Variants in PTPRD observed in about 807,000 individuals in gnomAD.
PTPRD encodes the protein receptor-type tyrosine-protein phosphatase delta.
Under a neutral mutation model 214.5 loss-of-function variants are expected in PTPRD, and 34 were observed. The observed-to-expected ratio is 0.16, with a 90% confidence interval of 0.12 to 0.21. The LOEUF (loss-of-function observed/expected upper bound fraction) is 0.21. Among genes scored for constraint, PTPRD ranks in the 10% least tolerant of loss-of-function variants. The pLI is 1.00. For missense variants in PTPRD, 2,545 were observed against 2,398.7 expected (o/e 1.06, Z -1.27); for synonymous variants, 1,128 against 845.7 (o/e 1.33, Z -5.79).
intron 3 of PTPRD, among the ~76,000 whole-genome samples, chr9:10,060,071 C>G (rs562870685): frequency 6.6e-6 from 1 of 151,950 alleles, no homozygotes; most frequent in Admixed American, 6.6e-5. Flanking sequence ...TCCCTGACAA[C>G]CAATATTCAA....
At chr9:8,452,794 G>C (rs939713590) in intron 33 of PTPRD, among the ~76,000 whole-genome samples, 1 of 152,114 alleles carries the variant, frequency 6.6e-6, no homozygotes, top group Non-Finnish European at 1.5e-5. Flanking sequence ...TGCTACTCTG[G>C]TCTACGGGGT....
intron 34 of PTPRD, 49 bp from the exon 35 acceptor site, chr9:8,436,738 A>T: frequency 1.4e-6 from 2 of 1,409,378 alleles, no homozygotes; most frequent in Non-Finnish European, 2.0e-6. Context: ...AATGAAAATG[A>T]TGCTAACTAT....
At chr9:8,545,632 A>T (rs1209950015) in intron 14 of PTPRD, among the ~76,000 whole-genome samples, 1 of 152,166 alleles carries the variant, frequency 6.6e-6, no homozygotes, top group Admixed American at 6.5e-5. Context: ...AAATATTCTG[A>T]AGTGTTTGAC....
chr9:9,964,909 G>A (rs1392960246), intron 4 of PTPRD, among the ~76,000 whole-genome samples: 3 of 152,034 alleles, frequency 2.0e-5, no homozygotes, highest in African/African-American at 7.2e-5. Context: ...TGAAATATAG[G>A]GAAATAAACT....
At chr9:10,119,532 C>G (rs1469452886) in intron 3 of PTPRD, among the ~76,000 whole-genome samples, 1 of 151,852 alleles carries the variant, frequency 6.6e-6, no homozygotes, top group African/African-American at 2.4e-5. Flanking sequence ...ATTTTTATAA[C>G]AGAGTATAAT....
At chr9:10,320,084 T>C (rs1054978524) in intron 3 of PTPRD, among the ~76,000 whole-genome samples, 2 of 152,184 alleles carry the variant, frequency 1.3e-5, no homozygotes, top group South Asian at 2.1e-4. Context: ...TTACATGTTA[T>C]AGATTTCAGC....
intron 35 of PTPRD, among the ~76,000 whole-genome samples, chr9:8,426,118 A>G (rs937421571): frequency 4.6e-5 from 7 of 152,222 alleles, no homozygotes; most frequent in African/African-American, 1.7e-4. Context: ...GGTCATGCAT[A>G]TTGAAGTTCA....
At chr9:10,411,078 T>A (rs937006303) in intron 2 of PTPRD, among the ~76,000 whole-genome samples, 1 of 151,808 alleles carries the variant, frequency 6.6e-6, no homozygotes, top group Non-Finnish European at 1.5e-5. Context: ...GTTACCTTTT[T>A]AAATTTATTT....
intron 2 of PTPRD, among the ~76,000 whole-genome samples, chr9:10,544,709 T>G (rs2059836441): frequency 6.6e-6 from 1 of 152,170 alleles, no homozygotes; most frequent in African/African-American, 2.4e-5. Context: ...ACATCCTCTT[T>G]TTGAAAAGTA....
intron 2 of PTPRD, among the ~76,000 whole-genome samples, chr9:10,542,136 ATT>A (rs1418273001): frequency 6.6e-6 from 1 of 152,144 alleles, no homozygotes; most frequent in Non-Finnish European, 1.5e-5. Flanking sequence ...GATATAATAA[ATT>A]TAATCAAAAT....
intron 34 of PTPRD, among the ~76,000 whole-genome samples, chr9:8,445,618 A>T (rs1168092951): frequency 6.6e-6 from 1 of 152,202 alleles, no homozygotes; most frequent in Non-Finnish European, 1.5e-5. Flanking sequence ...AACACTATGC[A>T]GCATCCTGGG....
intron 5 of PTPRD, among the ~76,000 whole-genome samples, chr9:9,779,078 C>CCAAAAAAAAAAAAAAAAAAAAAAAAAA (rs1282567404): frequency 2.2e-5 from 1 of 45,456 alleles, no homozygotes; most frequent in Non-Finnish European, 4.0e-5. Context: ...ATAAGACTGA[C>CCAAAAAAAAAAAAAAAAAAAAAAAAAA]AAAAAAAAAA....
intron 2 of PTPRD, among the ~76,000 whole-genome samples, chr9:10,462,279 T>C (rs1366827640): frequency 6.6e-6 from 1 of 152,204 alleles, no homozygotes; most frequent in Non-Finnish European, 1.5e-5. Flanking sequence ...AATATTTCTA[T>C]ATGAATATTG....
intron 12 of PTPRD, among the ~76,000 whole-genome samples, chr9:8,649,550 T>C (rs1388197535): frequency 6.6e-6 from 1 of 152,318 alleles, no homozygotes; most frequent in South Asian, 2.1e-4. Context: ...CAATGAGTAA[T>C]AAAACAGATT....
At chr9:8,993,689 C>A (rs2099386245) in intron 11 of PTPRD, among the ~76,000 whole-genome samples, 2 of 152,074 alleles carry the variant, frequency 1.3e-5, no homozygotes, top group Non-Finnish European at 2.9e-5. Flanking sequence ...CAGTTCTGTT[C>A]AACACAGTCT....
intron 35 of PTPRD, among the ~76,000 whole-genome samples, chr9:8,434,253 T>C (rs548201623): frequency 6.4e-4 from 98 of 152,308 alleles, no homozygotes; most frequent in African/African-American, 2.2e-3. Context: ...AATGCTGGGA[T>C]TACACAAGTG....
intron 2 of PTPRD, among the ~76,000 whole-genome samples, chr9:10,435,812 T>C (rs1028217253): frequency 3.3e-5 from 5 of 152,010 alleles, no homozygotes; most frequent in Admixed American, 1.3e-4. Context: ...GGATGAGTTA[T>C]AAAAATCAGT....
chr9:9,603,565 C>T (rs2093935821), intron 7 of PTPRD, among the ~76,000 whole-genome samples: 1 of 152,032 alleles, frequency 6.6e-6, no homozygotes, highest in Non-Finnish European at 1.5e-5. Flanking sequence ...TGAGCTCCAC[C>T]TCCTGTGCCA....
chr9:9,313,463 G>C (rs1170900763), intron 9 of PTPRD, among the ~76,000 whole-genome samples: 1 of 152,086 alleles, frequency 6.6e-6, no homozygotes, highest in Non-Finnish European at 1.5e-5. Context: ...CAAGAAACTT[G>C]ACCTCAGAGT....
Sources: allele counts gnomAD v4.1 joint callset (sites outside exome capture counted in the v4.1 genomes callset), GRCh38; gene constraint gnomAD v4.1.1; transcripts MANE v1.5; gene names NCBI Gene and HGNC (gene_info 2026-07-23, HGNC 2026-07-21).